Variants in ANKRD52 observed in about 807,000 individuals in gnomAD.
ANKRD52 encodes ankyrin repeat domain 52.
In ANKRD52, 7 loss-of-function variants were observed where a neutral mutation model predicts 116.0. The ratio of observed to expected loss-of-function variants is 0.06; its 90% CI spans 0.03 to 0.11. ANKRD52 has a LOEUF of 0.11. ANKRD52 is among the 10% of genes least tolerant of loss of function. ANKRD52 has a pLI of 1.00. For synonymous variants in ANKRD52, 528 were observed against 578.1 expected, an observed-to-expected ratio of 0.91 and a Z score of 1.24; for missense variants, 839 against 1,408.6, an observed-to-expected ratio of 0.60 and a Z score of 6.47.
chr12:56,244,528 G>A lies in ANKRD52; in HGVS notation c.2723-93C>T. On this transcript the variant is annotated intron_variant, in intron 24 of 27. Transcript: ENST00000267116. This position sits in a 1 kb window ranked among gnomAD's most constrained non-coding sequence, Gnocchi z 4.9. ...TTTGCATCCCGTCTGCAGATGGCGA[G>A]ACATCCAAAGACAACCCTCTTGCTT... is the stretch of plus-strand genomic sequence containing the variant. The A allele has an allele frequency of 6.3e-7, 1 of 1,594,898 alleles. No individual in the cohort carries two copies. The highest frequency in any genetic ancestry group is 8.6e-7 in the Non-Finnish European group (1 of 1,168,254).
At position 56,248,803 on chromosome 12, in the gene ANKRD52, C is replaced by T. The variant is rs776591030; in HGVS notation, c.1660G>A (p.Val554Met). The change falls in exon 16 of 28, where the codon GTG (valine) becomes ATG (methionine). Residue 554 changes from valine (V) to methionine (M), a missense_variant. Around this residue, in one of 2 missense-constraint regions of ANKRD52, gnomAD observed 552 missense variants for 810.6 expected, o/e 0.68. Coordinates refer to ENST00000267116, the MANE Select transcript of ANKRD52 (RefSeq NM_173595.4). The surrounding 1 kb of genome is among the most constrained non-coding windows in gnomAD (Gnocchi z 5.1). ...SLRDRQGYTAVHYAAAYGNRQ... is the reference protein window; with the variant it reads ...SLRDRQGYTAMHYAAAYGNRQ... ...TTGCCATAGGCGGCTGCATAGTGCA[C>T]AGCTGTGTAGCCCTGCCTGTCCCGC... The T allele has an allele frequency of 1.1e-5, 17 of 1,611,560 alleles. No individual in the cohort carries two copies. The African/African-American group carries it at 2.0e-4, about 19-fold the overall frequency.
chr12:56,242,212 A>G lies in ANKRD52; in HGVS notation c.*930T>C. On this transcript the variant is annotated 3_prime_UTR_variant, in exon 28 of 28. Coordinates refer to ENST00000267116, the MANE Select transcript of ANKRD52 (RefSeq NM_173595.4). The surrounding 1 kb of genome is among the most constrained non-coding windows in gnomAD (Gnocchi z 4.3). ...ATGCCTGAAACACAGTGGACATACTAGGGCTGTGGTTTTGAAATGGGCAGG... is the reference window on the plus strand; with the variant it reads ...ATGCCTGAAACACAGTGGACATACTGGGGCTGTGGTTTTGAAATGGGCAGG... The G allele has an allele frequency of 2.5e-6, 1 of 398,582 alleles. No individual in the cohort carries two copies. Among genetic ancestry groups the G allele is most frequent in the Non-Finnish European group, 4.4e-6 (1 of 226,064 alleles). 24.7% of individuals were successfully genotyped at this position (398,582 alleles called of 1,614,324 possible).
Position 56,243,947 on chromosome 12 carries a change from T to C in ANKRD52, c.2889-71A>G, listed in dbSNP as rs1592386668. 6.2e-7 allele frequency: 1 copy of C among 1,600,356 alleles called. No homozygotes were observed. ...CCACCTCCAGACAGGGTGGCAAGGG[T>C]GCTGAACAAATACAATGGGCTCCAG... is the stretch of plus-strand genomic sequence containing the variant. On this transcript the variant is annotated intron_variant, in intron 26 of 27. Transcript: ENST00000267116. This position sits in a 1 kb window ranked among gnomAD's most constrained non-coding sequence, Gnocchi z 4.6.
In ANKRD52 at chr12:56,252,057, T is replaced by A; in HGVS notation, c.1550A>T (p.Glu517Val). Residue 517 changes from glutamate (E) to valine (V), a missense_variant, in exon 15 of 28, where the codon GAG (glutamate) becomes GTG (valine). By Grantham distance (121) the Glu-to-Val change is moderately radical. Coordinates refer to ENST00000267116, the MANE Select transcript of ANKRD52 (RefSeq NM_173595.4). The surrounding 1 kb of genome is among the most constrained non-coding windows in gnomAD (Gnocchi z 4.7). ...PHTPSSHDAE[E>V]DEPLKESRRK... is the part of the protein sequence containing the mutation. ...GCGGGACTCCTTCAGTGGCTCGTCC[T>A]CTTCGGCATCATGGCTGGAAGGTGT... 6.2e-7 allele frequency: 1 copy of A among 1,613,890 alleles called. No homozygotes were observed. Among genetic ancestry groups the A allele is most frequent in the Non-Finnish European group, 8.5e-7 (1 of 1,179,866 alleles).
intron 4 of ANKRD52, among the ~76,000 whole-genome samples, chr12:56,256,622 C>T (rs1346859026): frequency 2.0e-5 from 3 of 152,290 alleles, no homozygotes; most frequent in East Asian, 1.9e-4. Flanking sequence ...ATGTTTGGCC[C>T]CTGTGCTGTC....
chr12:56,249,927 C>G (rs1284798899), intron 15 of ANKRD52, among the ~76,000 whole-genome samples: 2 of 152,178 alleles, frequency 1.3e-5, no homozygotes, highest in African/African-American at 4.8e-5. Context: ...GTAGTCCCAG[C>G]TACTCAGGAG....
At position 56,258,355 on chromosome 12, in the gene ANKRD52, C is replaced by A; in HGVS notation, c.-86G>T. The A allele has an allele frequency of 7.3e-7, 1 of 1,364,180 alleles. No individual in the cohort carries two copies. The allele number at this position is 1,364,180 out of a possible 1,614,324, so 84.5% of individuals were successfully genotyped here. ...GGACACGGAGCGGCCCAGGCGGCGGCTGCGGTGGCGGCTGCAGGGAGAGCG... is the reference window on the plus strand; with the variant it reads ...GGACACGGAGCGGCCCAGGCGGCGGATGCGGTGGCGGCTGCAGGGAGAGCG... On this transcript the variant is annotated 5_prime_UTR_variant, in exon 1 of 28. Coordinates refer to ENST00000267116, the MANE Select transcript of ANKRD52 (RefSeq NM_173595.4).
Position 56,243,542 on chromosome 12 carries a change from C to G in ANKRD52, c.2981-150G>C. The G allele has an allele frequency of 8.0e-7, 1 of 1,248,458 alleles. No homozygotes were observed. Among genetic ancestry groups the G allele is most frequent in the South Asian group, 1.5e-5 (1 of 64,670 alleles). 77.3% of individuals were successfully genotyped at this position (1,248,458 alleles called of 1,614,324 possible). A position where few individuals can be genotyped will look rare whatever the true frequency, so the allele number is the denominator to read the frequency against. On this transcript the variant is annotated intron_variant, in intron 27 of 27. Coordinates refer to ENST00000267116, the MANE Select transcript of ANKRD52 (RefSeq NM_173595.4). The surrounding 1 kb of genome is among the most constrained non-coding windows in gnomAD (Gnocchi z 4.6). The stretch of plus-strand genomic sequence containing the variant: ...CAAGGGTGACGAGGGCCCAGGAAGG[C>G]TGACAGGCAGATTCTCTAAGTACGG...
chr12:56,247,496 G>A lies in ANKRD52; in HGVS notation c.2181C>T (p.Arg727=), dbSNP rs186110155. 226 of 1,574,060 alleles carry A rather than the reference G, an allele frequency of 1.4e-4. No individual in the cohort carries two copies. In the East Asian group the frequency reaches 4.1e-3, roughly 29 times the overall value. The change falls in exon 20 of 28, where the codon CGC becomes CGT. Residue 727 remains arginine, a synonymous_variant. Transcript: ENST00000267116. ...TCCCCCCTAGAAGCTCACTCACCCC[G>A]CGGTGGAGGGCAGTGCGGCCCCGGA... ...ADLRGRTALH[R]GAVTGCEDCL...
At position 56,244,122 on chromosome 12, in the gene ANKRD52, T is replaced by C. The variant is rs1302972878; in HGVS notation, c.2817A>G (p.Lys939=). ...TTTCTGCCAGGATCATGAGGGCACA[T>C]TTCTCATGGCCCTGAGGGAGGGGAA... The part of the protein sequence containing the change: ...LHLACSKGHE[K]CALMILAETQ... The change falls in exon 26 of 28, where the codon AAA becomes AAG. Residue 939 remains lysine (K), a synonymous_variant. Transcript: ENST00000267116. The surrounding 1 kb of genome is among the most constrained non-coding windows in gnomAD (Gnocchi z 4.9). 1 of 1,613,750 alleles carries C rather than the reference T, an allele frequency of 6.2e-7. No homozygotes were observed. The highest frequency in any genetic ancestry group is 8.5e-7 in the Non-Finnish European group (1 of 1,179,830).
intron 4 of ANKRD52, 28 bp from the exon 5 acceptor site, chr12:56,256,012 G>A (rs1417363451): frequency 6.5e-7 from 1 of 1,541,596 alleles, no homozygotes; most frequent in South Asian, 1.2e-5. Flanking sequence ...ACAAAAGAGA[G>A]AGTGGGAGCA....
At chr12:56,245,683 C>A (rs547534015) in intron 20 of ANKRD52, 87 bp from the exon 21 acceptor site, 2 of 1,127,918 alleles carry the variant, frequency 1.8e-6, no homozygotes, top group East Asian at 2.5e-5. Flanking sequence ...GGAGTAAGAA[C>A]CACTTCCAGG....
intron 1 of ANKRD52, 68 bp from the exon 2 acceptor site, chr12:56,257,979 G>T: frequency 1.4e-6 from 2 of 1,460,000 alleles, no homozygotes; most frequent in South Asian, 1.2e-5. Context: ...GGGTGGGGGT[G>T]GGGGAGCACC....
At position 56,243,661 on chromosome 12, in the gene ANKRD52, T is replaced by G; in HGVS notation, c.2980+124A>C. ...GAGACTCCAGAGTACTGGTGTGGGCTCCCTGCTCTGAAGAGTTCCCTTGGG... is the reference window on the plus strand; with the variant it reads ...GAGACTCCAGAGTACTGGTGTGGGCGCCCTGCTCTGAAGAGTTCCCTTGGG... On this transcript the variant is annotated intron_variant, in intron 27 of 27. Transcript: ENST00000267116. The surrounding 1 kb of genome is among the most constrained non-coding windows in gnomAD (Gnocchi z 4.6). The G allele has an allele frequency of 9.1e-7, 1 of 1,104,880 alleles. No homozygotes were observed. Among genetic ancestry groups the G allele is most frequent in the East Asian group, 2.6e-5 (1 of 38,574 alleles). The allele number at this position is 1,104,880 out of a possible 1,614,324, so 68.4% of individuals were successfully genotyped here. A position where few individuals can be genotyped will look rare whatever the true frequency, so the allele number is the denominator to read the frequency against.
Position 56,252,592 on chromosome 12 carries a change from A to ACTT in ANKRD52, c.1302-23_1302-22insAAG. ...ATTCCTAAAAGAAAGATGTGTTAAG[A>ACTT]GAGTTACAGCCTCAAAGGGAAGCCA... On this transcript the variant is annotated intron_variant, in intron 12 of 27. Transcript: ENST00000267116. The surrounding 1 kb of genome is among the most constrained non-coding windows in gnomAD (Gnocchi z 4.7). 6.2e-7 allele frequency: 1 copy of ACTT among 1,612,034 alleles called. No individual in the cohort carries two copies. The highest frequency in any genetic ancestry group is 8.5e-7 in the Non-Finnish European group (1 of 1,178,380).
At position 56,243,882 on chromosome 12, in the gene ANKRD52, A is replaced by T; in HGVS notation, c.2889-6T>A. 6.4e-7 allele frequency: 1 copy of T among 1,567,664 alleles called. No homozygotes were observed. Among genetic ancestry groups the T allele is most frequent in the Non-Finnish European group, 8.7e-7 (1 of 1,155,828 alleles). ...GGGCAGCAATGTGGAGTGGCCTTGG[A>T]AAAAAGGAAAAAGAAGGAGCTTGAT... On this transcript the variant is annotated splice_polypyrimidine_tract_variant and splice_region_variant and intron_variant, in intron 26 of 27. Transcript: ENST00000267116. The surrounding 1 kb of genome is among the most constrained non-coding windows in gnomAD (Gnocchi z 4.6).
intron 20 of ANKRD52, among the ~76,000 whole-genome samples, chr12:56,246,509 T>C (rs1016733210): frequency 6.6e-6 from 1 of 151,980 alleles, no homozygotes; most frequent in Non-Finnish European, 1.5e-5. Context: ...GGAGGCAGCT[T>C]AGGACAGGTG....
rs1871067446 is a variant in ANKRD52, at chr12:56,239,461, T to C, written c.*3681A>G. ...TGCCCCAGGAGTAGGGTTTCTGGGC[T>C]AGGGTCTGTAAGGCTATTTTCCTTT... On this transcript the variant is annotated 3_prime_UTR_variant, in exon 28 of 28. Coordinates refer to ENST00000267116, the MANE Select transcript of ANKRD52 (RefSeq NM_173595.4). 1 of 152,218 alleles carries C rather than the reference T, an allele frequency of 6.6e-6. No homozygotes were observed. Among genetic ancestry groups the C allele is most frequent in the Non-Finnish European group, 1.5e-5 (1 of 68,078 alleles). 9.4% of individuals were successfully genotyped at this position (152,218 alleles called of 1,614,324 possible). A position where few individuals can be genotyped will look rare whatever the true frequency, so the allele number is the denominator to read the frequency against.
chr12:56,239,535 T>A lies in ANKRD52; in HGVS notation c.*3607A>T, dbSNP rs1592383990. Reference sequence around the variant, plus strand: ...ATGAACACTGGGTATGGGAAGTGGGTGAGAAATGGCTGAGAGGGAAGGAGG... The same window carrying A: ...ATGAACACTGGGTATGGGAAGTGGGAGAGAAATGGCTGAGAGGGAAGGAGG... On this transcript the variant is annotated 3_prime_UTR_variant, in exon 28 of 28. Transcript: ENST00000267116. 2.0e-5 allele frequency: 3 copies of A among 152,208 alleles called. No homozygotes were observed. Among genetic ancestry groups the A allele is most frequent in the Admixed American group, 2.0e-4 (3 of 15,258 alleles). The allele number at this position is 152,208 out of a possible 1,614,324, so 9.4% of individuals were successfully genotyped here. A position where few individuals can be genotyped will look rare whatever the true frequency, so the allele number is the denominator to read the frequency against.
Sources: allele counts gnomAD v4.1 joint callset (sites outside exome capture counted in the v4.1 genomes callset), GRCh38; gene constraint gnomAD v4.1.1; regional missense constraint gnomAD v4.1.1; non-coding constraint Gnocchi (gnomAD v3.1); transcripts MANE v1.5; gene names NCBI Gene and HGNC (gene_info 2026-07-23, HGNC 2026-07-21).